The following SEMA5A variants were observed in gnomAD, a reference collection of about 807,000 sequenced individuals.
SEMA5A encodes semaphorin-5A.
SEMA5A carries 55 observed loss-of-function variants against 135.5 expected under a neutral mutation model. The observed-to-expected ratio is 0.41, with a 90% CI of 0.33 to 0.51. The LOEUF is 0.51. Among genes scored for constraint, SEMA5A ranks in the 20% least tolerant of loss-of-function variants. The pLI, the probability that SEMA5A is intolerant of heterozygous loss-of-function variation, is 0.37. For synonymous variants in SEMA5A, 580 were observed against 546.5 expected, an observed-to-expected ratio of 1.06 and a Z score of -0.85; for missense variants, 1,290 against 1,419.9, an observed-to-expected ratio of 0.91 and a Z score of 1.47.
At chr5:9,469,991 G>A (rs1362266552) in intron 1 of SEMA5A, among the ~76,000 whole-genome samples, 1 of 152,092 alleles carries the variant, frequency 6.6e-6, no homozygotes. Context: ...TTTGTGAAAT[G>A]AAAAAGAGGG....
At chr5:9,506,946 T>C (rs1735915527) in intron 1 of SEMA5A, among the ~76,000 whole-genome samples, 1 of 151,704 alleles carries the variant, frequency 6.6e-6, no homozygotes, top group Admixed American at 6.6e-5. Flanking sequence ...TACTGAGTAT[T>C]TATTGAAAGC....
intron 1 of SEMA5A, among the ~76,000 whole-genome samples, chr5:9,482,808 A>G (rs1759926066): frequency 2.0e-5 from 3 of 152,198 alleles, no homozygotes; most frequent in African/African-American, 7.2e-5. Context: ...CCTGGTGCCC[A>G]CTTCTTTTGA....
chr5:9,383,300 A>C (rs551904856), intron 2 of SEMA5A, among the ~76,000 whole-genome samples: 1 of 152,260 alleles, frequency 6.6e-6, no homozygotes, highest in Non-Finnish European at 1.5e-5. Context: ...ATTTCAAAAT[A>C]AAATAGCACT....
intron 18 of SEMA5A, among the ~76,000 whole-genome samples, chr5:9,055,398 G>A (rs1274700092): frequency 1.3e-5 from 2 of 152,180 alleles, no homozygotes; most frequent in Non-Finnish European, 2.9e-5. Context: ...ATTGCTGTAT[G>A]TAGACAGTAT....
chr5:9,405,807 A>C (rs1481630081), intron 2 of SEMA5A, among the ~76,000 whole-genome samples: 2 of 152,202 alleles, frequency 1.3e-5, no homozygotes, highest in Non-Finnish European at 2.9e-5. Flanking sequence ...TCCATCATTG[A>C]ATTGGCCATA....
chr5:9,418,412 C>T (rs1579508843), intron 2 of SEMA5A, among the ~76,000 whole-genome samples: 1 of 152,178 alleles, frequency 6.6e-6, no homozygotes, highest in South Asian at 2.1e-4. Flanking sequence ...TGAGGGGACA[C>T]AAACATTCAG....
chr5:9,185,121 T>C (rs1227615870), intron 11 of SEMA5A, among the ~76,000 whole-genome samples: 1 of 152,202 alleles, frequency 6.6e-6, no homozygotes, highest in South Asian at 2.1e-4. Flanking sequence ...AGATGTGCAG[T>C]TCCACTATGT....
intron 1 of SEMA5A, among the ~76,000 whole-genome samples, chr5:9,521,248 A>G (rs1404972165): frequency 6.6e-6 from 1 of 152,142 alleles, no homozygotes; most frequent in Non-Finnish European, 1.5e-5. Context: ...CATCTCTACT[A>G]AAATTTAAAA....
intron 1 of SEMA5A, 118 bp from the exon 2 acceptor site, chr5:9,437,970 G>T (rs1758092467): frequency 6.6e-6 from 1 of 152,184 alleles, no homozygotes. Flanking sequence ...AGCTGCTTTG[G>T]CCACGTAGGA....
intron 5 of SEMA5A, among the ~76,000 whole-genome samples, chr5:9,256,499 A>G (rs1749074332): frequency 6.6e-6 from 1 of 152,186 alleles, no homozygotes; most frequent in South Asian, 2.1e-4. Flanking sequence ...CTGCCACTCT[A>G]TAAGAGTAGA....
At chr5:9,514,320 C>T (rs1181396161) in intron 1 of SEMA5A, among the ~76,000 whole-genome samples, 2 of 152,144 alleles carry the variant, frequency 1.3e-5, no homozygotes, top group South Asian at 2.1e-4. Flanking sequence ...CTGCATCATT[C>T]CTTTTGCCAT....
intron 1 of SEMA5A, among the ~76,000 whole-genome samples, chr5:9,487,772 T>G (rs1353717976): frequency 2.0e-5 from 3 of 152,174 alleles, no homozygotes; most frequent in Non-Finnish European, 4.4e-5. Context: ...ATTCTTTTAA[T>G]TTTTAGGTAT....
At chr5:9,415,821 T>C (rs981986566) in intron 2 of SEMA5A, among the ~76,000 whole-genome samples, 1 of 152,232 alleles carries the variant, frequency 6.6e-6, no homozygotes, top group Non-Finnish European at 1.5e-5. Context: ...ATTCATATAA[T>C]GTTCTGCAGT....
chr5:9,509,905 G>A (rs1736112766), intron 1 of SEMA5A, among the ~76,000 whole-genome samples: 1 of 152,140 alleles, frequency 6.6e-6, no homozygotes, highest in African/African-American at 2.4e-5. Context: ...AACGCTATTG[G>A]AGAAGAGAGA....
intron 16 of SEMA5A, among the ~76,000 whole-genome samples, chr5:9,095,824 C>T (rs567336734): frequency 5.9e-5 from 9 of 152,316 alleles, no homozygotes; most frequent in Admixed American, 1.3e-4. Flanking sequence ...GCAAACCAAA[C>T]GAGTATAATG....
chr5:9,126,894 G>A (rs565710062), intron 13 of SEMA5A, among the ~76,000 whole-genome samples: 20 of 152,258 alleles, frequency 1.3e-4, no homozygotes, highest in Non-Finnish European at 2.8e-4. Context: ...TAAATCTTGT[G>A]ACCCCTGGTT....
chr5:9,149,277 C>T lies in SEMA5A; in HGVS notation c.1481+5211G>A, dbSNP rs181263089. On this transcript the variant is annotated intron_variant, in intron 12 of 22. Coordinates refer to ENST00000382496, the MANE Select transcript of SEMA5A (RefSeq NM_003966.3). The stretch of plus-strand genomic sequence containing the variant: ...ATCTGTGCAGCCTACAAGTGTTTCT[C>T]TCTGGCCCTTTGCAAAGAAAGTTTG... 8.5e-5 allele frequency among the ~76,000 whole-genome samples: 13 copies of T among 152,334 alleles called. No individual in the cohort carries two copies. The East Asian group carries it at 2.5e-3, about 29-fold the overall frequency.
chr5:9,445,186 C>T (rs922425970), intron 1 of SEMA5A, among the ~76,000 whole-genome samples: 1 of 152,148 alleles, frequency 6.6e-6, no homozygotes, highest in Non-Finnish European at 1.5e-5. Flanking sequence ...TGCTGAATGA[C>T]GTGCATAACA....
rs372057914 is a variant in SEMA5A at position 9,172,286 on chromosome 5, G to T, written c.1274-17591C>A. 3.5e-3 allele frequency among the ~76,000 whole-genome samples: 538 copies of T among 152,306 alleles called. 3 individuals are homozygous for T. Among genetic ancestry groups the T allele is most frequent in the African/African-American group, 0.012 (515 of 41,576 alleles). On this transcript the variant is annotated intron_variant, in intron 11 of 22. Transcript: ENST00000382496. ...TCAATATGATTTCTAATTGAAGGAA[G>T]ATTATAGTTTAACTCAAAGAGCAGC...
Sources: gnomAD v4.1 joint callset for allele counts (sites outside exome capture counted in the v4.1 genomes callset) on GRCh38, gnomAD v4.1.1 for gene constraint, MANE v1.5 for transcripts, NCBI Gene and HGNC (gene_info 2026-07-23, HGNC 2026-07-21) for gene names.